MYBBP1A: variants seen among roughly 807,000 people sequenced by gnomAD.
The protein encoded by MYBBP1A is MYB binding protein 1a.
In MYBBP1A, 147 loss-of-function variants were observed where a neutral mutation model predicts 136.3. That is an observed-to-expected ratio of 1.08 (90% CI 0.94 to 1.24). The LOEUF is 1.24. Among genes scored for constraint, MYBBP1A ranks in the 50% most tolerant of loss-of-function variants. MYBBP1A has a pLI of 0.00. For missense variants in MYBBP1A, 2,060 were observed against 1,727.4 expected (o/e 1.19, Z -3.41); for synonymous variants, 947 against 735.8 (o/e 1.29, Z -4.65).
In MYBBP1A at chr17:4,541,495, G is replaced by A. The variant is rs1248452859; in HGVS notation, c.3265C>T (p.Leu1089Phe). 6.2e-7 allele frequency: 1 copy of A among 1,613,438 alleles called. No homozygotes were observed. The highest frequency in any genetic ancestry group is 8.5e-7 in the Non-Finnish European group (1 of 1,180,032). ...HQQALSSLEL[L>F]NVLFRTCKHE... Reference sequence around the variant, plus strand: ...TTGCAGGTCCTGAAGAGAACGTTGAGCAGCTCCAGGGAGGACAGTGCCTGC... The same window carrying A: ...TTGCAGGTCCTGAAGAGAACGTTGAACAGCTCCAGGGAGGACAGTGCCTGC... The change falls in exon 24 of 26, where the codon CTC becomes TTC. Residue 1089 changes from leucine (L) to phenylalanine (F), a missense_variant. Coordinates refer to ENST00000254718, the MANE Select transcript of MYBBP1A (RefSeq NM_014520.4).
At position 4,542,483 on chromosome 17, in the gene MYBBP1A, G is replaced by C. The variant is rs370201351; in HGVS notation, c.3068C>G (p.Pro1023Arg). 7 of 1,610,804 alleles carry C rather than the reference G, an allele frequency of 4.3e-6. No homozygotes were observed. The highest frequency in any genetic ancestry group is 5.9e-6 in the Non-Finnish European group (7 of 1,178,004). ...TCTCACCTGATGACGGGGCCGCACC[G>C]GGCCCGTGATATGCTGGACCAGGAT... is the stretch of plus-strand genomic sequence containing the variant. Reference protein sequence around the residue: ...LPILVQHITGPVRPRHQACLL... With the variant: ...LPILVQHITGRVRPRHQACLL... Residue 1023 changes from proline to arginine, a missense_variant, in exon 22 of 26, where the codon CCG (proline) becomes CGG (arginine). Coordinates refer to ENST00000254718, the MANE Select transcript of MYBBP1A (RefSeq NM_014520.4).
intron 8 of MYBBP1A, among the ~76,000 whole-genome samples, chr17:4,551,317 C>T (rs1326592432): frequency 6.6e-6 from 1 of 152,262 alleles, no homozygotes; most frequent in Non-Finnish European, 1.5e-5. Flanking sequence ...GTTCTCATCA[C>T]TGCCACATGG....
At chr17:4,553,211 T>C (rs1469017129) in intron 5 of MYBBP1A, among the ~76,000 whole-genome samples, 1 of 152,196 alleles carries the variant, frequency 6.6e-6, no homozygotes, top group Non-Finnish European at 1.5e-5. Context: ...GAGCTGGGAT[T>C]CGAATTCAGG....
At position 4,552,212 on chromosome 17, in the gene MYBBP1A, C is replaced by G; in HGVS notation, c.818G>C (p.Arg273Pro). ...KLPAIALDLL[R>P]LALKEDKFPR... ...GAACTTGTCTTCCTTGAGTGCCAGG[C>G]GGAGCAGGTCCAGAGCAATGGCGGG... The change falls in exon 7 of 26, where the codon CGC (arginine) becomes CCC (proline). Residue 273 changes from arginine to proline, a missense_variant. By Grantham distance (103) the Arg-to-Pro change is moderately radical. Transcript: ENST00000254718. The surrounding 1 kb of genome is among the most constrained non-coding windows in gnomAD (Gnocchi z 4.7). The G allele has an allele frequency of 1.2e-6, 2 of 1,614,224 alleles. No homozygotes were observed. Among genetic ancestry groups the G allele is most frequent in the Non-Finnish European group, 8.5e-7 (1 of 1,180,040 alleles).
chr17:4,550,881 G>A (rs902789358), intron 8 of MYBBP1A, among the ~76,000 whole-genome samples: 1 of 152,266 alleles, frequency 6.6e-6, no homozygotes, highest in African/African-American at 2.4e-5. Flanking sequence ...ACTCTTTGCG[G>A]TTGGCCAATA....
At chr17:4,540,027 C>T (rs767741128) in intron 25 of MYBBP1A, 60 bp from the exon 26 acceptor site, 287 of 1,530,994 alleles carry the variant, frequency 1.9e-4, no homozygotes, top group South Asian at 2.5e-4. Flanking sequence ...ACCGCCACCG[C>T]GACTGCTACC....
Position 4,548,420 on chromosome 17 carries a change from T to G in MYBBP1A, c.1556+104A>C, listed in dbSNP as rs575083230. ...CCGCCTCTCCAGGACCTACTAGAAC[T>G]CCGGGGGCCTCTGCCGTTGTTCCCA... On this transcript the variant is annotated intron_variant, in intron 11 of 25. Coordinates refer to ENST00000254718, the MANE Select transcript of MYBBP1A (RefSeq NM_014520.4). The surrounding 1 kb of genome is among the most constrained non-coding windows in gnomAD (Gnocchi z 4.2). 255 of 1,605,432 alleles carry G rather than the reference T, an allele frequency of 1.6e-4. No homozygotes were observed. In the Middle Eastern group the frequency reaches 2.3e-3, roughly 14 times the overall value.
rs762661255 is a variant in MYBBP1A, at chr17:4,539,741, G to C, written c.3661C>G (p.Pro1221Ala). 1.2e-6 allele frequency: 2 copies of C among 1,612,752 alleles called. No individual in the cohort carries two copies. The highest frequency in any genetic ancestry group is 4.5e-5 in the East Asian group (2 of 44,866). Residue 1221 changes from proline (P) to alanine (A), a missense_variant, in exon 26 of 26, where the codon CCA becomes GCA. Transcript: ENST00000254718. ...GTTGGCGTCCCGTTTGCCTGGGCTG[G>C]GACCTTAGCCTTTGTCCTGTTCCTC... Reference protein sequence around the residue: ...KKRNRTKAKVPAQANGTPTTK... With the variant: ...KKRNRTKAKVAAQANGTPTTK...
At chr17:4,551,730 A>C (rs1907522434) in intron 8 of MYBBP1A, 150 bp downstream of exon 8, 8 of 663,250 alleles carry the variant, frequency 1.2e-5, no homozygotes, top group Non-Finnish European at 2.1e-5. Flanking sequence ...AATTTGTCCG[A>C]GGGAAAGGGG....
intron 24 of MYBBP1A, 29 bp from the exon 25 acceptor site, chr17:4,540,513 G>T (rs372985756): frequency 1.7e-4 from 263 of 1,578,854 alleles, no homozygotes; most frequent in Non-Finnish European, 2.2e-4. Context: ...CAGAGCTGTG[G>T]GGCCACAGAG....
Position 4,545,065 on chromosome 17 carries a change from C to G in MYBBP1A, c.2271G>C (p.Arg757=), listed in dbSNP as rs1409125476. ...CCTGCAGCACGGTCATCAGCTGTTC[C>G]CGGAAGCCCTGATCCACGTCCCCGT... ...ERDGDVDQGF[R]EQLMTVLQAG... Residue 757 remains arginine (R), a synonymous_variant, in exon 17 of 26, where the codon CGG becomes CGC. Coordinates refer to ENST00000254718, the MANE Select transcript of MYBBP1A (RefSeq NM_014520.4). 7 of 1,552,274 alleles carry G rather than the reference C, an allele frequency of 4.5e-6. No homozygotes were observed. The highest frequency in any genetic ancestry group is 6.1e-6 in the Non-Finnish European group (7 of 1,150,256).
rs1205086940 is a variant in MYBBP1A, at chr17:4,539,347, A to T, written c.*68T>A. The T allele has an allele frequency of 3.3e-3, 2,910 of 883,062 alleles. 1 individual carries two copies. The highest frequency in any genetic ancestry group is 0.01 in the South Asian group (396 of 39,438). 54.7% of individuals were successfully genotyped at this position (883,062 alleles called of 1,614,324 possible). A position where few individuals can be genotyped will look rare whatever the true frequency, so the allele number is the denominator to read the frequency against. On this transcript the variant is annotated 3_prime_UTR_variant, in exon 26 of 26. Transcript: ENST00000254718. Reference sequence around the variant, plus strand: ...CTTGCGTATTAAAATCATGGTTTAAAAAAAAAAAAAAAAAATAGGCGTCTC... The same window carrying T: ...CTTGCGTATTAAAATCATGGTTTAATAAAAAAAAAAAAAAATAGGCGTCTC...
Position 4,548,342 on chromosome 17 carries a change from A to G in MYBBP1A, c.1557-32T>C. The G allele has an allele frequency of 6.2e-7, 1 of 1,608,620 alleles. No individual in the cohort carries two copies. Among genetic ancestry groups the G allele is most frequent in the Non-Finnish European group, 8.5e-7 (1 of 1,178,370 alleles). ...AAGGGATGGGGCTTGGGGTCAGCAG[A>G]CCAGATGAGTCAATGTAGCCGCCTC... On this transcript the variant is annotated intron_variant, in intron 11 of 25. Coordinates refer to ENST00000254718, the MANE Select transcript of MYBBP1A (RefSeq NM_014520.4). This position sits in a 1 kb window ranked among gnomAD's most constrained non-coding sequence, Gnocchi z 4.2.
rs370071250 is a variant in MYBBP1A, at chr17:4,545,597, G to T, written c.2073+13C>A. 110 of 1,566,886 alleles carry T rather than the reference G, an allele frequency of 7.0e-5. No individual in the cohort carries two copies. The African/African-American group carries it at 1.3e-3, about 19-fold the overall frequency. The stretch of plus-strand genomic sequence containing the variant: ...CCCCAGCCCACATTCCACTCCCAAA[G>T]GTCCCAACTCACATCCAGAATTAGC... On this transcript the variant is annotated intron_variant, in intron 15 of 25. Transcript: ENST00000254718.
Position 4,545,307 on chromosome 17 carries a change from A to T in MYBBP1A, c.2112T>A (p.Arg704=). ...CATCAGAATCGTCCGTCACCACCAC[A>T]CGGTCATTCTCATCCTCACTGGTCT... ...NPETSEDEND[R]VVVTDDSDER... Residue 704 remains arginine (R), a synonymous_variant, in exon 16 of 26, where the codon CGT becomes CGA. Transcript: ENST00000254718. 1.2e-6 allele frequency: 2 copies of T among 1,612,328 alleles called. No individual in the cohort carries two copies. Among genetic ancestry groups the T allele is most frequent in the Non-Finnish European group, 1.7e-6 (2 of 1,179,712 alleles).
chr17:4,549,337 C>T lies in MYBBP1A; in HGVS notation c.1425G>A (p.Val475=), dbSNP rs753031686. Residue 475 remains valine, a synonymous_variant, in exon 10 of 26, where the codon GTG becomes GTA. Coordinates refer to ENST00000254718, the MANE Select transcript of MYBBP1A (RefSeq NM_014520.4). ...LEMEEALTEQ[V]ARFCLFHSFF... Reference sequence around the variant, plus strand: ...GAATCCAGCACAGCTCGCACCTGGCCACCTGCTCAGTCAAGGCCTCCTCCA... The same window carrying T: ...GAATCCAGCACAGCTCGCACCTGGCTACCTGCTCAGTCAAGGCCTCCTCCA... 3.7e-6 allele frequency: 6 copies of T among 1,611,176 alleles called. No individual in the cohort carries two copies. In the African/African-American group the frequency reaches 8.0e-5, roughly 22 times the overall value.
Position 4,552,612 on chromosome 17 carries a change from T to C in MYBBP1A, c.576A>G (p.Thr192=), listed in dbSNP as rs1907626801. The C allele has an allele frequency of 4.3e-6, 7 of 1,613,370 alleles. No homozygotes were observed. The highest frequency in any genetic ancestry group is 1.7e-5 in the Admixed American group (1 of 59,994). The part of the protein sequence containing the change: ...VDILSEVSKA[T]LQEILPEVLK... ...GGACCTCCGGCAGGATCTCCTGCAA[T>C]GTGGCCTTCGAGACCTAAGGATGGA... The change falls in exon 6 of 26, where the codon ACA becomes ACG. Residue 192 remains threonine (T), a synonymous_variant. Coordinates refer to ENST00000254718, the MANE Select transcript of MYBBP1A (RefSeq NM_014520.4). The surrounding 1 kb of genome is among the most constrained non-coding windows in gnomAD (Gnocchi z 4.7).
intron 5 of MYBBP1A, among the ~76,000 whole-genome samples, chr17:4,553,085 G>A (rs1275941842): frequency 6.6e-6 from 1 of 152,188 alleles, no homozygotes; most frequent in Non-Finnish European, 1.5e-5. Flanking sequence ...GCCTCCCAAA[G>A]TTCTGGGATT....
intron 13 of MYBBP1A, 71 bp from the exon 14 acceptor site, chr17:4,546,013 G>A: frequency 2.1e-6 from 3 of 1,417,284 alleles, no homozygotes; most frequent in Non-Finnish European, 2.9e-6. Context: ...GCAAGGGGCT[G>A]GCCAAATGGC....
Sources: gnomAD v4.1 joint callset for allele counts (sites outside exome capture counted in the v4.1 genomes callset) on GRCh38, gnomAD v4.1.1 for gene constraint, Gnocchi (gnomAD v3.1) non-coding constraint, MANE v1.5 for transcripts, NCBI Gene and HGNC (gene_info 2026-07-23, HGNC 2026-07-21) for gene names.